MAMSTR: variants seen among roughly 807,000 people sequenced by gnomAD.
MAMSTR encodes MEF2 activating motif and SAP domain containing transcriptional regulator.
Under a neutral mutation model 42.7 loss-of-function variants are expected in MAMSTR, and 41 were observed. The observed-to-expected ratio is 0.96, with a 90% CI of 0.75 to 1.25. MAMSTR has a LOEUF of 1.25. MAMSTR is among the 50% of genes most tolerant of loss of function. The pLI is 0.00. For missense variants in MAMSTR, 567 were observed against 557.6 expected (o/e 1.02, Z -0.17); for synonymous variants, 265 against 244.1 (o/e 1.09, Z -0.80).
chr19:48,716,913 C>T, intron 2 of MAMSTR, 170 bp from the exon 3 acceptor site: 1 of 1,209,196 alleles, frequency 8.3e-7, no homozygotes, highest in East Asian at 3.3e-5. Context: ...CCTCGGGCCT[C>T]CCGCCTGCTC....
In MAMSTR at chr19:48,713,946, C is replaced by T. The variant is rs746393869; in HGVS notation, c.823G>A (p.Ala275Thr). The change falls in exon 8 of 10, where the codon GCT (alanine) becomes ACT (threonine). Residue 275 changes from alanine to threonine, a missense_variant. Coordinates refer to ENST00000318083, the MANE Select transcript of MAMSTR (RefSeq NM_001130915.2). ...APTPTPAPAAAPALTPSSGPG... is the reference protein window; with the variant it reads ...APTPTPAPAATPALTPSSGPG... ...CCTGAGGAAGGGGTCAGGGCTGGAGCTGCAGCAGGAGCCGGAGTGGGAGTT... is the reference window on the plus strand; with the variant it reads ...CCTGAGGAAGGGGTCAGGGCTGGAGTTGCAGCAGGAGCCGGAGTGGGAGTT... 2 of 1,613,418 alleles carry T rather than the reference C, an allele frequency of 1.2e-6. No homozygotes were observed. Among genetic ancestry groups the T allele is most frequent in the Non-Finnish European group, 1.7e-6 (2 of 1,179,776 alleles).
chr19:48,707,871 G>GAAAGAAAGAAAC (rs1432742254), downstream of MAMSTR, among the ~76,000 whole-genome samples: 2 of 110,434 alleles, frequency 1.8e-5, no homozygotes, highest in Non-Finnish European at 4.0e-5. Context: ...AAGAAAGAAA[G>GAAAGAAAGAAAC]AAAGAAAGAA....
At chr19:48,705,941 T>C in the MAMSTR span, 2 of 164,418 alleles carry the variant, frequency 1.2e-5, no homozygotes, top group Admixed American at 6.6e-5. Flanking sequence ...ATTATGACTT[T>C]GCGGATGGGA....
At chr19:48,713,623 C>T (rs2032825504) in intron 9 of MAMSTR, 73 bp from the exon 10 acceptor site, 1 of 1,601,960 alleles carries the variant, frequency 6.2e-7, no homozygotes, top group African/African-American at 1.3e-5. Flanking sequence ...ACCCCATTTC[C>T]AGGATCCAGC....
rs1208642916 is a variant in MAMSTR at position 48,712,780 on chromosome 19, C to A, written c.*487G>T. ...TGGCATTTATATCTTGTCTCAGGCTCTGCTTCCAAGAGAAGCTGATCTTAG... is the reference window on the plus strand; with the variant it reads ...TGGCATTTATATCTTGTCTCAGGCTATGCTTCCAAGAGAAGCTGATCTTAG... On this transcript the variant is annotated 3_prime_UTR_variant, in exon 10 of 10. Coordinates refer to ENST00000318083, the MANE Select transcript of MAMSTR (RefSeq NM_001130915.2). 1 of 153,436 alleles carries A rather than the reference C, an allele frequency of 6.5e-6. No homozygotes were observed. Among genetic ancestry groups the A allele is most frequent in the Non-Finnish European group, 1.5e-5 (1 of 68,926 alleles). The allele number at this position is 153,436 out of a possible 1,614,324, so 9.5% of individuals were successfully genotyped here. A position where few individuals can be genotyped will look rare whatever the true frequency, so the allele number is the denominator to read the frequency against.
At chr19:48,715,994 T>C in intron 3 of MAMSTR, 1 of 1,335,280 alleles carries the variant, frequency 7.5e-7, no homozygotes, top group South Asian at 1.8e-5. Context: ...CAAAGGGGTG[T>C]GGTAGCTGAG....
the MAMSTR span, among the ~76,000 whole-genome samples, chr19:48,706,229 G>A: frequency 3.3e-5 from 5 of 151,006 alleles, no homozygotes; most frequent in East Asian, 9.7e-4. Context: ...AGAGGTTGCA[G>A]TGAGCCAGGA....
intron 2 of MAMSTR, among the ~76,000 whole-genome samples, chr19:48,718,448 C>T (rs186491060): frequency 9.5e-4 from 128 of 134,632 alleles, no homozygotes; most frequent in African/African-American, 3.6e-3. Flanking sequence ...AGTGCAATGG[C>T]GTGATCTCGG....
intron 5 of MAMSTR, 32 bp from the exon 6 acceptor site, chr19:48,714,940 TAGAG>T (rs1221209243): frequency 7.0e-7 from 1 of 1,430,406 alleles, no homozygotes; most frequent in African/African-American, 1.4e-5. Context: ...GAACAAAGGT[TAGAG>T]AGGTAGAGGG....
At chr19:48,714,771 G>GA in intron 6 of MAMSTR, 35 bp downstream of exon 6, 1 of 1,498,366 alleles carries the variant, frequency 6.7e-7, no homozygotes, top group Non-Finnish European at 9.3e-7. Flanking sequence ...CACCGAAGGA[G>GA]AGAGAAGGCC....
downstream of MAMSTR, among the ~76,000 whole-genome samples, chr19:48,710,647 A>AG (rs2032708733): frequency 7.0e-6 from 1 of 143,466 alleles, no homozygotes; most frequent in South Asian, 2.2e-4. Context: ...CCCAGGCTGG[A>AG]GTGCAGTGGC....
chr19:48,713,478 C>A lies in MAMSTR; in HGVS notation c.1037G>T (p.Gly346Val), dbSNP rs781463973. The change falls in exon 10 of 10, where the codon GGC becomes GTC. Residue 346 changes from glycine to valine, a missense_variant. Physicochemically the swap from Gly to Val is moderately radical, Grantham distance 109 (BLOSUM62 -3). Coordinates refer to ENST00000318083, the MANE Select transcript of MAMSTR (RefSeq NM_001130915.2). ...DVLSPSPDSEGLSSVFSSSLP... is the reference protein window; with the variant it reads ...DVLSPSPDSEVLSSVFSSSLP... ...TGAAGAGGAGAAAACAGATGAGAGG[C>A]CTTCAGAGTCCGGGGAGGGGGACAG... 3.2e-5 allele frequency: 52 copies of A among 1,612,574 alleles called. No individual in the cohort carries two copies. Among genetic ancestry groups the A allele is most frequent in the Non-Finnish European group, 4.4e-5 (52 of 1,179,552 alleles).
intron 2 of MAMSTR, among the ~76,000 whole-genome samples, chr19:48,718,210 T>C (rs1180616722): frequency 6.6e-6 from 1 of 152,142 alleles, no homozygotes; most frequent in Non-Finnish European, 1.5e-5. Context: ...CAAGGATCTC[T>C]CTGCACATTT....
At position 48,714,461 on chromosome 19, in the gene MAMSTR, C is replaced by G. The variant is rs2122301407; in HGVS notation, c.628G>C (p.Glu210Gln). The G allele has an allele frequency of 4.4e-6, 6 of 1,357,484 alleles. No individual in the cohort carries two copies. The Middle Eastern group carries it at 9.4e-4, about 212-fold the overall frequency. The allele number at this position is 1,357,484 out of a possible 1,614,324, so 84.1% of individuals were successfully genotyped here. ...ERMRGGAPPRERPKPRREDSP... is the reference protein window; with the variant it reads ...ERMRGGAPPRQRPKPRREDSP... ...TCCTCGCGCCGCGGCTTCGGCCGCT[C>G]GCGGGGCGGCGCGCCGCCGCGCATG... The change falls in exon 7 of 10, where the codon GAG becomes CAG. Residue 210 changes from glutamate (E) to glutamine (Q), a missense_variant. Glu to Gln is a conservative substitution (Grantham distance 29). Transcript: ENST00000318083.
At chr19:48,707,912 GA>G (rs1386263256), downstream of MAMSTR, among the ~76,000 whole-genome samples, 242 of 140,258 alleles carry the variant, frequency 1.7e-3, 4 homozygotes, top group African/African-American at 6.4e-3. Context: ...AAGGAAGAAA[GA>G]AAGAAAAAAG....
chr19:48,713,629 C>T (rs996014289), intron 9 of MAMSTR, 79 bp from the exon 10 acceptor site: 63 of 1,602,966 alleles, frequency 3.9e-5, no homozygotes, highest in Non-Finnish European at 3.8e-5. Context: ...TTTCCAGGAT[C>T]CAGCTCCCCA....
intron 2 of MAMSTR, 111 bp from the exon 3 acceptor site, chr19:48,716,854 C>A (rs1292855432): frequency 3.5e-5 from 44 of 1,243,932 alleles, no homozygotes; most frequent in Middle Eastern, 2.5e-4. Context: ...GCGTGCCCAG[C>A]CCCCTTACAC....
chr19:48,717,851 C>T (rs1046735634), intron 2 of MAMSTR, among the ~76,000 whole-genome samples: 1 of 152,100 alleles, frequency 6.6e-6, no homozygotes, highest in African/African-American at 2.4e-5. Context: ...ACTAGAGGTG[C>T]ACGCCGCCAC....
Position 48,714,896 on chromosome 19 carries a change from A to G in MAMSTR, c.438T>C (p.Ser146=). ...CTCCTGGTGGGCAGGGAGTGAGGGG[A>G]GAGGGCTTCATCCTGGTGATAATCG... ...SQQPHPRMKP[S]PLTPCPPGVP... is the part of the protein sequence containing the mutation. Residue 146 remains serine, a synonymous_variant, in exon 6 of 10, where the codon TCT becomes TCC. Coordinates refer to ENST00000318083, the MANE Select transcript of MAMSTR (RefSeq NM_001130915.2). 6.2e-7 allele frequency: 1 copy of G among 1,604,390 alleles called. No individual in the cohort carries two copies. The highest frequency in any genetic ancestry group is 8.5e-7 in the Non-Finnish European group (1 of 1,173,184).
Sources: allele counts gnomAD v4.1 joint callset (sites outside exome capture counted in the v4.1 genomes callset), GRCh38; gene constraint gnomAD v4.1.1; transcripts MANE v1.5; gene names NCBI Gene and HGNC (gene_info 2026-07-23, HGNC 2026-07-21).